NAF1: variants seen among roughly 807,000 people sequenced by gnomAD.
NAF1 encodes nuclear assembly factor 1 ribonucleoprotein, also known as H/ACA ribonucleoprotein complex non-core subunit NAF1.
Under a neutral mutation model 40.6 loss-of-function variants are expected in NAF1, and 11 were observed. The observed-to-expected ratio is 0.27, with a 90% CI of 0.17 to 0.45. The LOEUF is 0.45. Among genes scored for constraint, NAF1 ranks in the 20% least tolerant of loss-of-function variants. The pLI, the probability that NAF1 is intolerant of heterozygous loss-of-function variation, is 1.00. For synonymous variants in NAF1, 260 were observed against 228.5 expected, an observed-to-expected ratio of 1.14 and a Z score of -1.24; for missense variants, 607 against 611.1, an observed-to-expected ratio of 0.99 and a Z score of 0.07.
chr4:163,153,895 C>G (rs1731852204), intron 2 of NAF1, among the ~76,000 whole-genome samples: 1 of 152,182 alleles, frequency 6.6e-6, no homozygotes, highest in South Asian at 2.1e-4. Flanking sequence ...TGGGTCCACA[C>G]TGCTTTTATG....
chr4:163,151,989 T>A (rs1477117528), intron 2 of NAF1, among the ~76,000 whole-genome samples: 1 of 152,206 alleles, frequency 6.6e-6, no homozygotes, highest in Non-Finnish European at 1.5e-5. Context: ...AATTTTCTTG[T>A]ATATTTATTA....
rs568545369 is a variant in NAF1, at chr4:163,117,505, C to G, written c.115-7215G>C. 17 of 151,696 alleles carry G rather than the reference C, an allele frequency of 1.1e-4. No homozygotes were observed. In the South Asian group the frequency reaches 3.1e-3, roughly 28 times the overall value. 9.4% of individuals were successfully genotyped at this position (151,696 alleles called of 1,614,324 possible). A position where few individuals can be genotyped will look rare whatever the true frequency, so the allele number is the denominator to read the frequency against. On this transcript the variant is annotated intron_variant, in intron 2 of 2. Coordinates refer to the NAF1 transcript ENST00000509434. ...TCCACTTGTTGCTCCAAGAGATTTA[C>G]AGGTTTGTGCTTCTATTTTTTTTTT...
chr4:163,146,260 T>G (rs1168189768), intron 3 of NAF1, among the ~76,000 whole-genome samples: 1 of 152,222 alleles, frequency 6.6e-6, no homozygotes, highest in African/African-American at 2.4e-5. Flanking sequence ...TAAAAATTCT[T>G]TTCTACAAAG....
rs1279971944 is a variant in NAF1, at chr4:163,129,050, G to A, written c.1332C>T (p.Pro444=). The change falls in exon 8 of 8, where the codon CCC becomes CCT. Residue 444 remains proline, a synonymous_variant. Coordinates refer to ENST00000274054, the MANE Select transcript of NAF1 (RefSeq NM_138386.3). ...TAGCCCAACCCATGTTTACAGGTGG[G>A]GGTGGTGGTGGGGGTGGAGGGCGGA... ...FPLRPPPPPP[P]PPVNMGWATP... 5 of 1,536,258 alleles carry A rather than the reference G, an allele frequency of 3.3e-6. No homozygotes were observed. Among genetic ancestry groups the A allele is most frequent in the South Asian group, 1.2e-5 (1 of 83,722 alleles).
Position 163,166,736 on chromosome 4 carries a change from G to A in NAF1, c.-9C>T, listed in dbSNP as rs768176947. On this transcript the variant is annotated 5_prime_UTR_variant, in exon 1 of 8. Coordinates refer to ENST00000274054, the MANE Select transcript of NAF1 (RefSeq NM_138386.3). ...GCCTCCACTACCTCCATCGCACCGCGCCAGAAACCGGGTCGGCCTCAGGAT... is the reference window on the plus strand; with the variant it reads ...GCCTCCACTACCTCCATCGCACCGCACCAGAAACCGGGTCGGCCTCAGGAT... 3.7e-6 allele frequency: 6 copies of A among 1,612,936 alleles called. No individual in the cohort carries two copies. The highest frequency in any genetic ancestry group is 5.1e-6 in the Non-Finnish European group (6 of 1,179,818).
At chr4:163,157,454 C>A (rs971304628) in intron 2 of NAF1, 4 of 151,866 alleles carry the variant, frequency 2.6e-5, no homozygotes, top group South Asian at 2.1e-4. Context: ...ATTTTTCTTA[C>A]CTACGAATAG....
chr4:163,135,819 G>T (rs1731034915), intron 6 of NAF1: 1 of 151,854 alleles, frequency 6.6e-6, no homozygotes, highest in Non-Finnish European at 1.5e-5. Context: ...AAGAATATCT[G>T]GATTTTAAAA....
chr4:163,120,558 C>A (rs1005038181), intron 2 of NAF1, among the ~76,000 whole-genome samples: 1 of 152,172 alleles, frequency 6.6e-6, no homozygotes, highest in African/African-American at 2.4e-5. Context: ...CCCATTTCAC[C>A]TTTATATGAG....
Position 163,148,369 on chromosome 4 carries a change from C to T in NAF1, c.606G>A (p.Gly202=), listed in dbSNP as rs761543471. The T allele has an allele frequency of 1.3e-6, 2 of 1,574,612 alleles. No homozygotes were observed. The highest frequency in any genetic ancestry group is 1.7e-6 in the Non-Finnish European group (2 of 1,166,336). ...GTTGTTCAATAATACTTGAAACCAT[C>T]CCAAGAGGCTTTAACTCAATATCTT... ...LPEDIELKPL[G]MVSSIIEQLV... The change falls in exon 3 of 8, where the codon GGG becomes GGA. Residue 202 remains glycine, a synonymous_variant. Coordinates refer to ENST00000274054, the MANE Select transcript of NAF1 (RefSeq NM_138386.3).
intron 2 of NAF1, among the ~76,000 whole-genome samples, chr4:163,153,816 G>A (rs1184127104): frequency 2.0e-5 from 3 of 152,090 alleles, no homozygotes; most frequent in South Asian, 2.1e-4. Flanking sequence ...ACCCGCTCGG[G>A]TCCCCTTCCA....
chr4:163,132,250 C>CA (rs1482528433), intron 7 of NAF1, among the ~76,000 whole-genome samples: 1 of 152,106 alleles, frequency 6.6e-6, no homozygotes, highest in Non-Finnish European at 1.5e-5. Flanking sequence ...CCTCTTTTCA[C>CA]AAAAAACCTG....
intron 2 of NAF1, among the ~76,000 whole-genome samples, chr4:163,113,080 TAG>T (rs1194496836): frequency 1.3e-5 from 2 of 152,294 alleles, no homozygotes; most frequent in East Asian, 1.9e-4. Context: ...CCAGATTATT[TAG>T]AGACTTGTCA....
chr4:163,113,634 T>G (rs368988500), intron 2 of NAF1, among the ~76,000 whole-genome samples: 1 of 152,226 alleles, frequency 6.6e-6, no homozygotes, highest in Non-Finnish European at 1.5e-5. Flanking sequence ...AGGACAATTA[T>G]AGAAGTTTCC....
chr4:163,148,299 T>G (rs1364131740), intron 3 of NAF1, 42 bp downstream of exon 3: 18 of 1,213,848 alleles, frequency 1.5e-5, no homozygotes, highest in Non-Finnish European at 2.1e-5. Context: ...ATTATTAGTG[T>G]GTGTTTGGAA....
rs368003245 is a variant in NAF1 at position 163,138,079 on chromosome 4, A to G, written c.879-829T>C. Reference sequence around the variant, plus strand: ...AAAATATCACAAAGTAAAATATTACAAAGTATTAGGACTAGATGTCCTTAT... The same window carrying G: ...AAAATATCACAAAGTAAAATATTACGAAGTATTAGGACTAGATGTCCTTAT... On this transcript the variant is annotated intron_variant, in intron 5 of 7. Transcript: ENST00000274054. 7.9e-5 allele frequency among the ~76,000 whole-genome samples: 12 copies of G among 152,274 alleles called. 1 individual carries two copies. The East Asian group carries it at 1.5e-3, about 20-fold the overall frequency.
Position 163,113,320 on chromosome 4 carries a change from A to C in NAF1, c.115-3030T>G, listed in dbSNP as rs552537125. On this transcript the variant is annotated intron_variant, in intron 2 of 2. Transcript: ENST00000509434. ...CCCCTCTGGTCCTCTCCCAATTATTATTCACTTCTCCACTTTCATAATTCC... is the reference window on the plus strand; with the variant it reads ...CCCCTCTGGTCCTCTCCCAATTATTCTTCACTTCTCCACTTTCATAATTCC... 4.0e-5 allele frequency among the ~76,000 whole-genome samples: 6 copies of C among 151,388 alleles called. No individual in the cohort carries two copies. In the East Asian group the frequency reaches 1.2e-3, roughly 29 times the overall value.
chr4:163,123,837 G>T (rs1579129789), downstream of NAF1, among the ~76,000 whole-genome samples: 1 of 152,200 alleles, frequency 6.6e-6, no homozygotes, highest in African/African-American at 2.4e-5. Context: ...CTAATATAAA[G>T]AATTCTCCAT....
chr4:163,153,086 G>T (rs1731793319), intron 2 of NAF1, among the ~76,000 whole-genome samples: 1 of 152,230 alleles, frequency 6.6e-6, no homozygotes, highest in Non-Finnish European at 1.5e-5. Flanking sequence ...CTTCCTGCGG[G>T]GCAGGGCTCG....
chr4:163,144,055 C>T (rs4538435), intron 4 of NAF1: 916,777 of 962,786 alleles, frequency 0.95, 436,635 homozygotes, highest in East Asian at 1. Context: ...AAAATCATCA[C>T]ATCCTACCAA....
Sources: allele counts gnomAD v4.1 joint callset (sites outside exome capture counted in the v4.1 genomes callset), GRCh38; gene constraint gnomAD v4.1.1; transcripts MANE v1.5; gene names NCBI Gene and HGNC (gene_info 2026-07-23, HGNC 2026-07-21).